VEPH1: variants seen among roughly 807,000 people sequenced by gnomAD.
VEPH1 encodes ventricular zone-expressed PH domain-containing protein homolog 1.
VEPH1 carries 80 observed loss-of-function variants against 85.2 expected under a neutral mutation model. The ratio of observed to expected loss-of-function variants is 0.94; its 90% CI spans 0.78 to 1.13. The LOEUF (loss-of-function observed/expected upper bound fraction) is 1.13, where lower values mean the gene tolerates loss of function less well. Ranked by LOEUF, VEPH1 falls within the 50% of genes most tolerant of loss-of-function variation. The probability of loss-of-function intolerance (pLI) is 0.00; values close to 1 mark genes in which losing one functional copy is unlikely to be tolerated. For missense variants in VEPH1, 955 were observed against 980.5 expected (o/e 0.97, Z 0.35); for synonymous variants, 297 against 348.0 (o/e 0.85, Z 1.63).
At chr3:157,415,953 C>T (rs1044374763) in intron 5 of VEPH1, among the ~76,000 whole-genome samples, 1 of 152,074 alleles carries the variant, frequency 6.6e-6, no homozygotes, top group African/African-American at 2.4e-5. Flanking sequence ...TGTGGAAGCT[C>T]CCAGTGTACC....
intron 6 of VEPH1, among the ~76,000 whole-genome samples, chr3:157,408,834 G>T (rs1731327767): frequency 6.6e-6 from 1 of 152,072 alleles, no homozygotes; most frequent in Non-Finnish European, 1.5e-5. Context: ...GCAGGGAAGG[G>T]TGTAAAATCC....
At chr3:157,310,958 G>A (rs1720041655) in intron 11 of VEPH1, among the ~76,000 whole-genome samples, 1 of 152,174 alleles carries the variant, frequency 6.6e-6, no homozygotes. Flanking sequence ...TATCGCAAGG[G>A]TATGTGTATC....
chr3:157,469,237 C>A (rs1192191041), intron 3 of VEPH1, among the ~76,000 whole-genome samples: 1 of 152,114 alleles, frequency 6.6e-6, no homozygotes, highest in East Asian at 1.9e-4. Flanking sequence ...TGTGGTGGTG[C>A]ATGAAGAGTC....
At chr3:157,400,681 TC>T (rs1730731160) in intron 6 of VEPH1, among the ~76,000 whole-genome samples, 1 of 152,062 alleles carries the variant, frequency 6.6e-6, no homozygotes. Flanking sequence ...AAAACCCAAA[TC>T]CCCCTCCATT....
At chr3:157,332,107 A>G (rs934924865) in intron 9 of VEPH1, among the ~76,000 whole-genome samples, 2 of 152,188 alleles carry the variant, frequency 1.3e-5, no homozygotes, top group Middle Eastern at 3.2e-3. Flanking sequence ...AGAAGGGTTA[A>G]CCCAGACCAT....
intron 11 of VEPH1, among the ~76,000 whole-genome samples, chr3:157,296,037 C>T (rs1718092089): frequency 6.6e-6 from 1 of 152,132 alleles, no homozygotes; most frequent in African/African-American, 2.4e-5. Context: ...CGAGCTAGCT[C>T]TACATGTATG....
chr3:157,300,748 C>A (rs1718695934), intron 11 of VEPH1, among the ~76,000 whole-genome samples: 1 of 152,072 alleles, frequency 6.6e-6, no homozygotes, highest in South Asian at 2.1e-4. Flanking sequence ...AATGTATTTA[C>A]AAAATCATAT....
chr3:157,355,075 C>A (rs552562072), intron 9 of VEPH1, among the ~76,000 whole-genome samples: 1 of 152,306 alleles, frequency 6.6e-6, no homozygotes, highest in East Asian at 1.9e-4. Context: ...TCAGCTCCCA[C>A]ACCTCTACTT....
chr3:157,467,737 C>T (rs1268341035), intron 3 of VEPH1, among the ~76,000 whole-genome samples: 4 of 152,176 alleles, frequency 2.6e-5, no homozygotes, highest in African/African-American at 9.7e-5. Flanking sequence ...CTACACCGGC[C>T]CTACATGCTA....
intron 12 of VEPH1, among the ~76,000 whole-genome samples, chr3:157,268,185 C>T (rs1243295870): frequency 1.3e-5 from 2 of 152,220 alleles, no homozygotes; most frequent in Admixed American, 6.5e-5. Flanking sequence ...CTTTGTGCAA[C>T]CACATCTACA....
chr3:157,419,185 A>G (rs909163331), intron 5 of VEPH1, among the ~76,000 whole-genome samples: 2 of 152,208 alleles, frequency 1.3e-5, no homozygotes, highest in African/African-American at 4.8e-5. Context: ...TTAACTCAAG[A>G]TGGATTGAAG....
At chr3:157,297,184 GTC>G (rs1469549184) in intron 11 of VEPH1, among the ~76,000 whole-genome samples, 7 of 152,092 alleles carry the variant, frequency 4.6e-5, no homozygotes, top group African/African-American at 1.7e-4. Context: ...AGTGTTTTTT[GTC>G]TCTCAGCTAG....
intron 4 of VEPH1, among the ~76,000 whole-genome samples, chr3:157,450,144 C>T (rs1473296283): frequency 6.0e-5 from 9 of 149,398 alleles, no homozygotes; most frequent in African/African-American, 1.2e-4. Context: ...CAGCTTCAAC[C>T]TCCTGGGCTC....
intron 5 of VEPH1, among the ~76,000 whole-genome samples, chr3:157,422,008 C>T (rs1200839634): frequency 6.6e-6 from 1 of 152,208 alleles, no homozygotes; most frequent in African/African-American, 2.4e-5. Context: ...TCTAGCCACC[C>T]TCCAACTGCC....
chr3:157,335,716 AT>A (rs1722903775), intron 9 of VEPH1, among the ~76,000 whole-genome samples: 1 of 152,198 alleles, frequency 6.6e-6, no homozygotes, highest in African/African-American at 2.4e-5. Flanking sequence ...TCAGTCAACT[AT>A]GCGTACTTTT....
chr3:157,366,781 A>G (rs1389065154), intron 7 of VEPH1, among the ~76,000 whole-genome samples: 1 of 152,164 alleles, frequency 6.6e-6, no homozygotes, highest in Non-Finnish European at 1.5e-5. Context: ...AACAACAACA[A>G]AAAACACTAC....
At chr3:157,348,469 A>G (rs1724491058) in intron 9 of VEPH1, among the ~76,000 whole-genome samples, 1 of 151,652 alleles carries the variant, frequency 6.6e-6, no homozygotes, top group Admixed American at 6.6e-5. Context: ...GCAATACCTC[A>G]TTGTGGTTTT....
At chr3:157,458,593 A>G (rs1389192006) in intron 4 of VEPH1, among the ~76,000 whole-genome samples, 1 of 152,110 alleles carries the variant, frequency 6.6e-6, no homozygotes, top group East Asian at 1.9e-4. Context: ...CTCTGTTGAT[A>G]ATTTCTTCTG....
chr3:157,479,853 G>A (rs1324371559), intron 2 of VEPH1, among the ~76,000 whole-genome samples: 3 of 152,172 alleles, frequency 2.0e-5, no homozygotes, highest in Non-Finnish European at 4.4e-5. Flanking sequence ...ATTTACAACA[G>A]TGTCTGGTGC....
Sources: allele counts gnomAD v4.1 joint callset (sites outside exome capture counted in the v4.1 genomes callset), GRCh38; gene constraint gnomAD v4.1.1; transcripts MANE v1.5; gene names NCBI Gene and HGNC (gene_info 2026-07-23, HGNC 2026-07-21).